Variants in CNTN5 observed in about 807,000 individuals in gnomAD.
CNTN5 encodes contactin 5.
Under a neutral mutation model 129.1 loss-of-function variants are expected in CNTN5, and 77 were observed. The observed-to-expected ratio is 0.60, with a 90% CI of 0.50 to 0.72. The LOEUF (loss-of-function observed/expected upper bound fraction) is 0.72. Among genes scored for constraint, CNTN5 ranks in the 30% least tolerant of loss-of-function variants. CNTN5 has a pLI of 0.00. For synonymous variants in CNTN5, 509 were observed against 465.6 expected (o/e 1.09, Z -1.20); for missense variants, 1,478 against 1,328.8 (o/e 1.11, Z -1.75).
intron 6 of CNTN5, among the ~76,000 whole-genome samples, chr11:99,866,286 C>T (rs1238545423): frequency 1.3e-5 from 2 of 152,134 alleles, no homozygotes; most frequent in Non-Finnish European, 2.9e-5. Flanking sequence ...TTATTTTGAA[C>T]ATTTTCTAAG....
intron 8 of CNTN5, among the ~76,000 whole-genome samples, chr11:99,979,103 G>A (rs1938178426): frequency 6.6e-6 from 1 of 152,076 alleles, no homozygotes; most frequent in African/African-American, 2.4e-5. Flanking sequence ...TAAAGAATCT[G>A]GCATGCACAG....
At chr11:99,323,972 A>G (rs1865677739) in intron 1 of CNTN5, among the ~76,000 whole-genome samples, 1 of 152,192 alleles carries the variant, frequency 6.6e-6, no homozygotes, top group Admixed American at 6.5e-5. Flanking sequence ...AGGAATCTAT[A>G]GTTCCTTCTG....
chr11:100,312,580 T>C (rs906520598), intron 21 of CNTN5, among the ~76,000 whole-genome samples: 4 of 152,056 alleles, frequency 2.6e-5, no homozygotes, highest in Non-Finnish European at 5.9e-5. Context: ...ACCACAATTC[T>C]ACCTATATTT....
chr11:100,308,842 G>A (rs537028728), intron 21 of CNTN5: 79 of 986,742 alleles, frequency 8.0e-5, no homozygotes, highest in Middle Eastern at 5.2e-4. Context: ...TACTTTATTG[G>A]TATCTCTTAC....
intron 1 of CNTN5, among the ~76,000 whole-genome samples, chr11:99,236,021 A>C (rs1340665041): frequency 1.3e-5 from 2 of 152,226 alleles, no homozygotes; most frequent in Non-Finnish European, 2.9e-5. Flanking sequence ...GGGCAGTAGA[A>C]ACTTCACAGG....
At chr11:99,224,713 A>G (rs1860586513) in intron 1 of CNTN5, among the ~76,000 whole-genome samples, 2 of 126,634 alleles carry the variant, frequency 1.6e-5, no homozygotes, top group Admixed American at 9.9e-5. Flanking sequence ...GCTGGAGTTC[A>G]GTGCCGTGAT....
chr11:100,040,649 C>T (rs896509712), intron 9 of CNTN5, among the ~76,000 whole-genome samples: 1 of 152,046 alleles, frequency 6.6e-6, no homozygotes, highest in Admixed American at 6.5e-5. Context: ...CTTTGTTTAC[C>T]TAATCAAACA....
At chr11:99,505,175 G>A (rs1199908611) in intron 2 of CNTN5, among the ~76,000 whole-genome samples, 1 of 152,102 alleles carries the variant, frequency 6.6e-6, no homozygotes, top group East Asian at 1.9e-4. Context: ...TTGAAAGAAA[G>A]CGCTGGACTT....
At chr11:100,259,513 C>T (rs1021784870) in intron 17 of CNTN5, among the ~76,000 whole-genome samples, 1 of 152,138 alleles carries the variant, frequency 6.6e-6, no homozygotes, top group Non-Finnish European at 1.5e-5. Flanking sequence ...CATCACATCA[C>T]ACTTATTCTA....
rs537912593 is a variant in CNTN5 at position 99,565,617 on chromosome 11, T to A, written c.55+9348T>A. Among the ~76,000 whole-genome samples the A allele has an allele frequency of 2.4e-4, 37 of 152,298 alleles. No homozygotes were observed. The East Asian group carries it at 5.8e-3, about 24-fold the overall frequency. On this transcript the variant is annotated intron_variant, in intron 3 of 24. Coordinates refer to ENST00000524871, the MANE Select transcript of CNTN5 (RefSeq NM_014361.4). ...AAAGAGAATCATTTACAAACCATTGTCTGCTCTTTGGGACCATTCAGTTCT... is the reference window on the plus strand; with the variant it reads ...AAAGAGAATCATTTACAAACCATTGACTGCTCTTTGGGACCATTCAGTTCT...
chr11:99,556,916 T>A (rs936140524), intron 3 of CNTN5, among the ~76,000 whole-genome samples: 1 of 151,230 alleles, frequency 6.6e-6, no homozygotes, highest in Non-Finnish European at 1.5e-5. Flanking sequence ...AATATCATAA[T>A]GCCTAAAGTT....
chr11:99,328,347 G>GA (rs1865866956), intron 2 of CNTN5, among the ~76,000 whole-genome samples: 1 of 152,106 alleles, frequency 6.6e-6, no homozygotes, highest in Non-Finnish European at 1.5e-5. Flanking sequence ...GTGTCCAGAT[G>GA]AATGAAAAGC....
chr11:99,436,687 C>T (rs992479709), intron 2 of CNTN5, among the ~76,000 whole-genome samples: 5 of 152,050 alleles, frequency 3.3e-5, no homozygotes, highest in East Asian at 1.9e-4. Flanking sequence ...CTAATGAGGA[C>T]AATAATAATA....
chr11:99,426,836 T>C (rs1274122683), intron 2 of CNTN5, among the ~76,000 whole-genome samples: 5 of 152,202 alleles, frequency 3.3e-5, no homozygotes, highest in Non-Finnish European at 7.3e-5. Flanking sequence ...TAAGTGTTTA[T>C]GATTTAGAAG....
rs547596554 is a variant in CNTN5 at position 99,412,848 on chromosome 11, A to G, written c.-71+87364A>G. ...TTTTGTTGCCCTTTTCTGTAGATGA[A>G]TTAGTAAGTTTAAATTTGAATTAGA... On this transcript the variant is annotated intron_variant, in intron 2 of 24. Coordinates refer to ENST00000524871, the MANE Select transcript of CNTN5 (RefSeq NM_014361.4). Among the ~76,000 whole-genome samples, 6 of 152,282 alleles carry G rather than the reference A, an allele frequency of 3.9e-5. No individual in the cohort carries two copies. The East Asian group carries it at 1.2e-3, about 29-fold the overall frequency.
chr11:99,149,192 C>T (rs1397621581), intron 1 of CNTN5, among the ~76,000 whole-genome samples: 1 of 152,080 alleles, frequency 6.6e-6, no homozygotes, highest in Non-Finnish European at 1.5e-5. Flanking sequence ...CTCATTAGAT[C>T]CCAAGTTCAT....
intron 1 of CNTN5, among the ~76,000 whole-genome samples, chr11:99,095,906 A>G (rs1021237651): frequency 2.0e-5 from 3 of 151,942 alleles, no homozygotes; most frequent in Middle Eastern, 3.2e-3. Context: ...TAGTCCTTCA[A>G]TATATAAATT....
At chr11:99,658,503 TA>T (rs1274153247) in intron 3 of CNTN5, among the ~76,000 whole-genome samples, 1 of 152,028 alleles carries the variant, frequency 6.6e-6, no homozygotes, top group Non-Finnish European at 1.5e-5. Flanking sequence ...GAGTATATAG[TA>T]AATATTTACT....
chr11:99,193,743 A>G (rs1046961292), intron 1 of CNTN5, among the ~76,000 whole-genome samples: 1 of 152,172 alleles, frequency 6.6e-6, no homozygotes, highest in Admixed American at 6.6e-5. Flanking sequence ...GCAGATATAA[A>G]TACAAATTTA....
Sources: allele counts gnomAD v4.1 joint callset (sites outside exome capture counted in the v4.1 genomes callset), GRCh38; gene constraint gnomAD v4.1.1; transcripts MANE v1.5; gene names NCBI Gene and HGNC (gene_info 2026-07-23, HGNC 2026-07-21).